Variants in LRP1B observed in about 807,000 individuals in gnomAD.
LRP1B encodes the protein low-density lipoprotein receptor-related protein 1B.
LRP1B carries 217 observed loss-of-function variants against 556.6 expected under a neutral mutation model. The ratio of observed to expected loss-of-function variants is 0.39; its 90% CI spans 0.35 to 0.44. LRP1B has a LOEUF of 0.44. Ranked by LOEUF, LRP1B falls within the 20% of genes least tolerant of loss-of-function variation. The probability of loss-of-function intolerance (pLI) is 1.00; values close to 1 mark genes in which losing one functional copy is unlikely to be tolerated. For missense variants in LRP1B, 5,053 were observed against 5,620.8 expected, an observed-to-expected ratio of 0.90 and a Z score of 3.23; for synonymous variants, 2,047 against 1,865.8, an observed-to-expected ratio of 1.10 and a Z score of -2.50.
intron 7 of LRP1B, among the ~76,000 whole-genome samples, chr2:141,187,814 A>G (rs1681323751): frequency 6.6e-6 from 1 of 151,918 alleles, no homozygotes; most frequent in African/African-American, 2.4e-5. Flanking sequence ...TCTCTATTTA[A>G]CCAATAAAGT....
chr2:141,540,677 G>A (rs1685227280), intron 2 of LRP1B, among the ~76,000 whole-genome samples: 1 of 151,910 alleles, frequency 6.6e-6, no homozygotes, highest in African/African-American at 2.4e-5. Context: ...ATTTAGTTAA[G>A]GTCTTTAAAA....
chr2:142,097,202 A>G (rs910228614), intron 1 of LRP1B, among the ~76,000 whole-genome samples: 4 of 151,668 alleles, frequency 2.6e-5, no homozygotes, highest in African/African-American at 9.7e-5. Context: ...AAAATTACCT[A>G]TTTCATAAGA....
chr2:140,746,439 T>C (rs1446656047), intron 35 of LRP1B, among the ~76,000 whole-genome samples: 1 of 152,130 alleles, frequency 6.6e-6, no homozygotes, highest in African/African-American at 2.4e-5. Context: ...GAAGCTTAAA[T>C]AGGTAGATGG....
intron 66 of LRP1B, among the ~76,000 whole-genome samples, chr2:140,420,944 T>C (rs1465044530): frequency 6.6e-6 from 1 of 151,432 alleles, no homozygotes; most frequent in Non-Finnish European, 1.5e-5. Flanking sequence ...ACTTATCAAA[T>C]TGTACATTTT....
intron 7 of LRP1B, among the ~76,000 whole-genome samples, chr2:141,128,601 C>G (rs1415771532): frequency 6.6e-6 from 1 of 152,258 alleles, no homozygotes; most frequent in South Asian, 2.1e-4. Context: ...TAGAAAGAAA[C>G]TACCTTAACA....
At chr2:140,577,460 A>C (rs1681572471) in intron 43 of LRP1B, among the ~76,000 whole-genome samples, 1 of 151,342 alleles carries the variant, frequency 6.6e-6, no homozygotes, top group South Asian at 2.1e-4. Flanking sequence ...ACTGTCACCC[A>C]AGCAGGAGTG....
chr2:141,221,095 G>C (rs1683016526), intron 6 of LRP1B, among the ~76,000 whole-genome samples: 1 of 152,066 alleles, frequency 6.6e-6, no homozygotes, highest in African/African-American at 2.4e-5. Flanking sequence ...CCAATTAAAA[G>C]ATACAGAATG....
intron 18 of LRP1B, among the ~76,000 whole-genome samples, chr2:140,969,114 A>G (rs1369729411): frequency 1.3e-5 from 2 of 152,150 alleles, no homozygotes; most frequent in South Asian, 2.1e-4. Context: ...TGATCTGTCT[A>G]ATGTTAACAG....
At chr2:141,652,773 A>G (rs1301853482) in intron 2 of LRP1B, among the ~76,000 whole-genome samples, 3 of 152,142 alleles carry the variant, frequency 2.0e-5, no homozygotes, top group African/African-American at 7.2e-5. Context: ...TCCAATCCCC[A>G]ATCTACCACT....
In LRP1B at chr2:140,357,989, T is replaced by A; in HGVS notation, c.11385A>T (p.Gly3795=). 1 of 1,610,318 alleles carries A rather than the reference T, an allele frequency of 6.2e-7. No individual in the cohort carries two copies. Among genetic ancestry groups the A allele is most frequent in the Non-Finnish European group, 8.5e-7 (1 of 1,177,464 alleles). The change falls in exon 74 of 91, where the codon GGA becomes GGT. Residue 3795 remains glycine (G), a synonymous_variant. Transcript: ENST00000389484. ...AGAAAACAAGCTCACCTATTCTGCA[T>A]CCTTGCTCATCTGAACCATCTCCGC... is the stretch of plus-strand genomic sequence containing the variant. The part of the protein sequence containing the change: ...DDCGDGSDEQ[G]CRIAPTEYTC...
intron 35 of LRP1B, among the ~76,000 whole-genome samples, chr2:140,733,706 G>A (rs533018748): frequency 1.3e-5 from 2 of 152,210 alleles, no homozygotes; most frequent in East Asian, 1.9e-4. Context: ...TCACTTCTGA[G>A]GATAGGCGGG....
chr2:140,765,927 T>C (rs546904762), intron 35 of LRP1B, among the ~76,000 whole-genome samples: 1 of 152,204 alleles, frequency 6.6e-6, no homozygotes, highest in African/African-American at 2.4e-5. Context: ...GACGAGTTAA[T>C]GGGTGCAGCA....
At chr2:140,702,010 T>G in intron 39 of LRP1B, 131 bp downstream of exon 39, 1 of 1,317,556 alleles carries the variant, frequency 7.6e-7, no homozygotes, top group Non-Finnish European at 1.1e-6. Flanking sequence ...ACCTGCCTTT[T>G]CTGTGGAAAT....
chr2:140,692,352 C>A (rs1265455434), intron 41 of LRP1B, among the ~76,000 whole-genome samples: 1 of 151,956 alleles, frequency 6.6e-6, no homozygotes, highest in Non-Finnish European at 1.5e-5. Flanking sequence ...TTAAGTACTG[C>A]ACAATGAACC....
intron 27 of LRP1B, among the ~76,000 whole-genome samples, chr2:140,860,224 G>A (rs1692748541): frequency 6.6e-6 from 1 of 152,094 alleles, no homozygotes; most frequent in Admixed American, 6.5e-5. Flanking sequence ...GCCAATTGAT[G>A]GATGTCTTAT....
At chr2:140,709,565 C>T (rs903714399) in intron 37 of LRP1B, among the ~76,000 whole-genome samples, 4 of 151,926 alleles carry the variant, frequency 2.6e-5, no homozygotes, top group Non-Finnish European at 4.4e-5. Context: ...AAACTAAACT[C>T]ATACATGATT....
chr2:141,091,611 G>A (rs1700174196), intron 7 of LRP1B, among the ~76,000 whole-genome samples: 1 of 152,144 alleles, frequency 6.6e-6, no homozygotes, highest in African/African-American at 2.4e-5. Flanking sequence ...CATCCTGTGA[G>A]GGGATGGCAA....
intron 1 of LRP1B, among the ~76,000 whole-genome samples, chr2:142,101,664 C>T (rs1234620661): frequency 2.0e-5 from 3 of 151,928 alleles, no homozygotes; most frequent in African/African-American, 7.2e-5. Context: ...CCTTTAGACA[C>T]AACCTATCAC....
chr2:140,963,430 T>C lies in LRP1B; in HGVS notation c.2888-11490A>G, dbSNP rs946103477. 2.7e-5 allele frequency among the ~76,000 whole-genome samples: 4 copies of C among 147,908 alleles called. No homozygotes were observed. The East Asian group carries it at 6.1e-4, about 23-fold the overall frequency. ...TGATTTTTACGTGTGTGTGTGTGCA[T>C]GTACATGCATATTTATATATATATA... On this transcript the variant is annotated intron_variant, in intron 18 of 90. Transcript: ENST00000389484.
Sources: gnomAD v4.1 joint callset for allele counts (sites outside exome capture counted in the v4.1 genomes callset) on GRCh38, gnomAD v4.1.1 for gene constraint, MANE v1.5 for transcripts, NCBI Gene and HGNC (gene_info 2026-07-23, HGNC 2026-07-21) for gene names.